Variants in WDR27 observed in about 807,000 individuals in gnomAD.
WDR27 encodes WD repeat domain 27.
A neutral mutation model predicts 114.4 loss-of-function variants in WDR27; 100 were observed. The ratio of observed to expected loss-of-function variants is 0.87; its 90% CI spans 0.74 to 1.03. The LOEUF (loss-of-function observed/expected upper bound fraction) is 1.03, where lower values mean the gene tolerates loss of function less well. Among genes scored for constraint, WDR27 ranks in the 50% least tolerant of loss-of-function variants. The pLI is 0.00. For synonymous variants in WDR27, 449 were observed against 423.1 expected, an observed-to-expected ratio of 1.06 and a Z score of -0.75; for missense variants, 1,129 against 1,092.9, an observed-to-expected ratio of 1.03 and a Z score of -0.47.
intron 8 of WDR27, among the ~76,000 whole-genome samples, chr6:169,662,676 T>C (rs1433584703): frequency 1.5e-5 from 2 of 136,248 alleles, no homozygotes; most frequent in African/African-American, 5.6e-5. Context: ...AGCATTCGGA[T>C]CACGTGTCGA....
intron 21 of WDR27, among the ~76,000 whole-genome samples, chr6:169,624,017 G>A (rs1814027995): frequency 6.6e-6 from 1 of 152,160 alleles, no homozygotes; most frequent in Admixed American, 6.5e-5. Flanking sequence ...TGGGGACATG[G>A]GGCCCTGGAG....
chr6:169,667,988 GC>G lies in WDR27; in HGVS notation c.653del (p.Gly218AlafsTer12), dbSNP rs1335550254. 1 of 1,612,964 alleles carries G rather than the reference GC, an allele frequency of 6.2e-7. No individual in the cohort carries two copies. On this transcript the variant is annotated frameshift_variant, in exon 5 of 26. Coordinates refer to ENST00000448612, the MANE Select transcript of WDR27 (RefSeq NM_182552.5). LOFTEE classifies it high-confidence loss of function. ...GTLISASEDR[G>X]FKVWDHCTGS... is the part of the protein sequence containing the mutation. ...TCCAGCGTCCATCCCTCACCTTAAA[GC>G]CTCTGTCCTCAGACGCCGAGATGAG...
chr6:169,602,373 C>A, intron 22 of WDR27, 52 bp from the exon 23 acceptor site: 1 of 1,202,358 alleles, frequency 8.3e-7, no homozygotes, highest in South Asian at 1.4e-5. Flanking sequence ...AATTTGAATG[C>A]AAATTAGAGG....
At chr6:169,681,821 G>A (rs551017112) in intron 2 of WDR27, among the ~76,000 whole-genome samples, 4 of 152,264 alleles carry the variant, frequency 2.6e-5, no homozygotes, top group African/African-American at 7.2e-5. Context: ...GACAGATCCT[G>A]AGGGTACCCA....
intron 23 of WDR27, among the ~76,000 whole-genome samples, chr6:169,596,368 G>A (rs76611446): frequency 2.0e-4 from 30 of 151,338 alleles, no homozygotes; most frequent in Admixed American, 1.8e-3. Flanking sequence ...CTCTGTATTT[G>A]CTTTCTATTA....
chr6:169,696,804 C>G (rs374976643), intron 1 of WDR27, among the ~76,000 whole-genome samples: 268 of 152,284 alleles, frequency 1.8e-3, no homozygotes, highest in African/African-American at 6.1e-3. Context: ...GTCCCAGCTA[C>G]TTGGAAGGCT....
intron 25 of WDR27, among the ~76,000 whole-genome samples, chr6:169,458,327 C>A (rs1282699914): frequency 6.6e-6 from 1 of 152,134 alleles, no homozygotes; most frequent in Non-Finnish European, 1.5e-5. Flanking sequence ...GATGCTTCTT[C>A]TTACAGAGGG....
At chr6:169,587,495 AG>A (rs1488030363) in intron 23 of WDR27, among the ~76,000 whole-genome samples, 3 of 152,164 alleles carry the variant, frequency 2.0e-5, no homozygotes, top group Non-Finnish European at 4.4e-5. Flanking sequence ...CTGGGATTAC[AG>A]GTGTGAGCCA....
At chr6:169,500,564 T>C (rs1181920834) in intron 25 of WDR27, among the ~76,000 whole-genome samples, 5 of 152,050 alleles carry the variant, frequency 3.3e-5, no homozygotes, top group African/African-American at 1.2e-4. Flanking sequence ...AGAGAGGGCC[T>C]GCGGAGCAGA....
intron 4 of WDR27, chr6:169,669,961 G>C (rs1376231340): frequency 6.6e-6 from 1 of 152,018 alleles, no homozygotes; most frequent in Non-Finnish European, 1.5e-5. Flanking sequence ...AGCTTTGTGA[G>C]CCATGTTGAC....
At chr6:169,637,216 C>G (rs926170864) in intron 18 of WDR27, among the ~76,000 whole-genome samples, 1 of 152,136 alleles carries the variant, frequency 6.6e-6, no homozygotes, top group Non-Finnish European at 1.5e-5. Flanking sequence ...AATGATCTCC[C>G]GTAAGTTCAT....
intron 17 of WDR27, among the ~76,000 whole-genome samples, chr6:169,641,845 C>G (rs896436796): frequency 2.0e-5 from 3 of 152,276 alleles, no homozygotes; most frequent in African/African-American, 7.2e-5. Flanking sequence ...GGGCGCGTCA[C>G]AGATGACGCA....
intron 25 of WDR27, among the ~76,000 whole-genome samples, chr6:169,567,291 A>C (rs914429105): frequency 5.3e-5 from 8 of 152,188 alleles, no homozygotes; most frequent in African/African-American, 1.9e-4. Flanking sequence ...TGAGGAGTCC[A>C]GGTTGGCGCA....
intron 21 of WDR27, among the ~76,000 whole-genome samples, chr6:169,624,039 C>T (rs938750610): frequency 3.9e-5 from 6 of 152,036 alleles, no homozygotes; most frequent in Non-Finnish European, 8.8e-5. Flanking sequence ...CACCACATGC[C>T]GCGTGTGGGG....
intron 25 of WDR27, among the ~76,000 whole-genome samples, chr6:169,541,839 T>A (rs1193846028): frequency 6.6e-6 from 1 of 152,172 alleles, no homozygotes; most frequent in African/African-American, 2.4e-5. Context: ...TGATGATAAA[T>A]CTTAACATGG....
intron 21 of WDR27, among the ~76,000 whole-genome samples, chr6:169,631,281 G>C (rs1200235271): frequency 6.6e-6 from 1 of 151,852 alleles, no homozygotes; most frequent in Non-Finnish European, 1.5e-5. Flanking sequence ...CGCAGGAAGA[G>C]TCTAAACAAA....
At chr6:169,593,247 C>T (rs1029057586) in intron 23 of WDR27, among the ~76,000 whole-genome samples, 4 of 152,204 alleles carry the variant, frequency 2.6e-5, no homozygotes, top group Admixed American at 6.5e-5. Context: ...TGAGAAAGCA[C>T]ATGGGCCTGG....
At chr6:169,428,216 G>A in the WDR27 span, among the ~76,000 whole-genome samples, 1 of 152,156 alleles carries the variant, frequency 6.6e-6, no homozygotes, top group Admixed American at 6.5e-5. Flanking sequence ...CCAGTGGAGA[G>A]CTAGAAGACT....
intron 21 of WDR27, among the ~76,000 whole-genome samples, chr6:169,615,705 C>A (rs1811660855): frequency 6.6e-6 from 1 of 152,116 alleles, no homozygotes; most frequent in African/African-American, 2.4e-5. Flanking sequence ...CAATACCGTC[C>A]TAGACACAAG....
Sources: allele counts gnomAD v4.1 joint callset (sites outside exome capture counted in the v4.1 genomes callset), GRCh38; gene constraint gnomAD v4.1.1; transcripts MANE v1.5; gene names NCBI Gene and HGNC (gene_info 2026-07-23, HGNC 2026-07-21).